Variants in NLRP5 observed in about 807,000 individuals in gnomAD.
NLRP5 encodes NLR family pyrin domain containing 5, also known as NACHT, LRR and PYD domains-containing protein 5.
A neutral mutation model predicts 113.1 loss-of-function variants in NLRP5; 93 were observed. The observed-to-expected ratio is 0.82, with a 90% CI of 0.70 to 0.98. The LOEUF is 0.98. NLRP5 is among the 50% of genes least tolerant of loss of function. NLRP5 has a pLI of 0.00. For synonymous variants in NLRP5, 751 were observed against 600.7 expected (o/e 1.25, Z -3.66); for missense variants, 1,808 against 1,514.3 (o/e 1.19, Z -3.22).
At chr19:56,055,798 G>A (rs1022522140) in intron 13 of NLRP5, among the ~76,000 whole-genome samples, 2 of 151,856 alleles carry the variant, frequency 1.3e-5, no homozygotes, top group African/African-American at 2.4e-5. Context: ...GCCCGCCTTG[G>A]CCTCCCAAAG....
At chr19:56,000,644 G>A (rs1034940913) in intron 1 of NLRP5, among the ~76,000 whole-genome samples, 2 of 151,868 alleles carry the variant, frequency 1.3e-5, no homozygotes, top group African/African-American at 2.4e-5. Flanking sequence ...GATTACAGAC[G>A]TGAGCCACTG....
intron 13 of NLRP5, among the ~76,000 whole-genome samples, chr19:56,057,426 C>T (rs1984197191): frequency 6.6e-6 from 1 of 152,328 alleles, no homozygotes; most frequent in Non-Finnish European, 1.5e-5. Flanking sequence ...TCCGCTCTCA[C>T]CACTGTCTGG....
Position 56,032,726 on chromosome 19 carries a change from A to G in NLRP5, c.2392A>G (p.Met798Val), listed in dbSNP as rs772739724. 6.2e-6 allele frequency: 10 copies of G among 1,613,182 alleles called. No individual in the cohort carries two copies. In the South Asian group the frequency reaches 1.1e-4, roughly 18 times the overall value. Reference sequence around the variant, plus strand: ...CAGCAGCATCCTGACAGAGCGGGCCATGAAGACCCTGTGTGCCAAGCTGAG... The same window carrying G: ...CAGCAGCATCCTGACAGAGCGGGCCGTGAAGACCCTGTGTGCCAAGCTGAG... The change falls in exon 8 of 15, where the codon ATG becomes GTG. Residue 798 changes from methionine (M) to valine (V), a missense_variant. Met to Val is a conservative substitution (Grantham distance 21, BLOSUM62 1). Transcript: ENST00000390649.
chr19:56,061,416 C>T lies in NLRP5; in HGVS notation c.3491C>T (p.Pro1164Leu), dbSNP rs1984347847. 4 of 1,613,904 alleles carry T rather than the reference C, an allele frequency of 2.5e-6. No individual in the cohort carries two copies. Among genetic ancestry groups the T allele is most frequent in the African/African-American group, 1.3e-5 (1 of 74,924 alleles). The change falls in exon 15 of 15, where the codon CCT becomes CTT. Residue 1164 changes from proline (P) to leucine (L), a missense_variant. Transcript: ENST00000390649. ...CCCAGGCTGTGGAAATGGCAGTACC[C>T]TGTGCAAATAAGGAAGCTGCTGGAG... is the stretch of plus-strand genomic sequence containing the variant.
chr19:56,006,779 G>T (rs531379454), intron 2 of NLRP5, among the ~76,000 whole-genome samples: 1 of 151,390 alleles, frequency 6.6e-6, no homozygotes, highest in Non-Finnish European at 1.5e-5. Flanking sequence ...TGGCTCTGTC[G>T]CCCAGGCTGG....
At chr19:56,039,218 T>C (rs998026483) in intron 10 of NLRP5, among the ~76,000 whole-genome samples, 8 of 152,210 alleles carry the variant, frequency 5.3e-5, no homozygotes, top group Non-Finnish European at 1.0e-4. Context: ...CAGATGGTGA[T>C]GCCGGGAGTC....
At position 56,008,743 on chromosome 19, in the gene NLRP5, C is replaced by T. The variant is rs1195029173; in HGVS notation, c.443-45C>T. ...TTCTTATCCTTGGCTTGGGTAATTA[C>T]AGTGACTTCATTGAGGCCAGTCTCC... On this transcript the variant is annotated intron_variant, in intron 2 of 14. Coordinates refer to ENST00000390649, the MANE Select transcript of NLRP5 (RefSeq NM_153447.4). 6 of 1,529,882 alleles carry T rather than the reference C, an allele frequency of 3.9e-6. No individual in the cohort carries two copies. The Admixed American group carries it at 1.1e-4, about 29-fold the overall frequency. 94.8% of individuals were successfully genotyped at this position (1,529,882 alleles called of 1,614,324 possible).
intron 3 of NLRP5, among the ~76,000 whole-genome samples, chr19:56,013,596 G>GGTTTTC (rs1555765383): frequency 5.1e-5 from 3 of 59,282 alleles, no homozygotes; most frequent in Non-Finnish European, 8.6e-5. Context: ...GGACATTTGG[G>GGTTTTC]TTTTTTTTTT....
chr19:56,006,696 C>T lies in NLRP5; in HGVS notation c.443-2092C>T, dbSNP rs576698894. Among the ~76,000 whole-genome samples, 48 of 152,002 alleles carry T rather than the reference C, an allele frequency of 3.2e-4. 1 individual carries two copies. The East Asian group carries it at 9.2e-3, about 29-fold the overall frequency. ...GCAGTGAGTCAAGATCGCGCCACTG[C>T]ACTCCAGCCTGGGTGACAGAGCGAG... is the stretch of plus-strand genomic sequence containing the variant. On this transcript the variant is annotated intron_variant, in intron 2 of 14. Coordinates refer to ENST00000390649, the MANE Select transcript of NLRP5 (RefSeq NM_153447.4).
At chr19:56,038,918 C>T (rs1476287312) in intron 10 of NLRP5, among the ~76,000 whole-genome samples, 1 of 152,170 alleles carries the variant, frequency 6.6e-6, no homozygotes, top group Non-Finnish European at 1.5e-5. Context: ...CCAAGTGATC[C>T]TCCCGTCTTG....
At position 56,015,585 on chromosome 19, in the gene NLRP5, C is replaced by T. The variant is rs139535867; in HGVS notation, c.509-157C>T. On this transcript the variant is annotated intron_variant, in intron 3 of 14. Transcript: ENST00000390649. ...TTGAATCTAGTACTTATGTTACTGG[C>T]GCACACTGCCCTGGCGCTGAGCCAG... Among the ~76,000 whole-genome samples the T allele has an allele frequency of 4.3e-3, 661 of 152,306 alleles. 2 individuals are homozygous for T. The highest frequency in any genetic ancestry group is 7.1e-3 in the Non-Finnish European group (486 of 68,030).
At chr19:56,020,527 A>T (rs1220699837) in intron 6 of NLRP5, 96 bp downstream of exon 6, 1 of 1,377,622 alleles carries the variant, frequency 7.3e-7, no homozygotes, top group African/African-American at 1.4e-5. Flanking sequence ...TGTAGTTTAG[A>T]TTGCCTTTCT....
At chr19:56,030,045 A>C (rs1183254654) in intron 7 of NLRP5, among the ~76,000 whole-genome samples, 1 of 142,446 alleles carries the variant, frequency 7.0e-6, no homozygotes, top group Non-Finnish European at 1.6e-5. Context: ...ACAGAGTGAG[A>C]CTCCATCTCA....
At chr19:56,057,231 T>C (rs887483363) in intron 13 of NLRP5, among the ~76,000 whole-genome samples, 3 of 152,210 alleles carry the variant, frequency 2.0e-5, no homozygotes, top group African/African-American at 7.2e-5. Flanking sequence ...AGTATTTTAG[T>C]ATATCTGGTG....
At chr19:56,037,994 T>G in intron 9 of NLRP5, 31 bp from the exon 10 acceptor site, 1 of 1,612,292 alleles carries the variant, frequency 6.2e-7, no homozygotes, top group Non-Finnish European at 8.5e-7. Context: ...GGACAAGAGC[T>G]GGGATTGCTT....
chr19:56,004,121 G>A (rs759298836), intron 2 of NLRP5, 26 bp downstream of exon 2: 1 of 1,567,022 alleles, frequency 6.4e-7, no homozygotes, highest in Admixed American at 1.9e-5. Flanking sequence ...GACAAGTCTA[G>A]GGCAGGGAGG....
At position 56,052,765 on chromosome 19, in the gene NLRP5, A is replaced by C. The variant is rs796227482; in HGVS notation, c.3129-873A>C. ...TCTTCCCCATTTTTCCTAAGAATAGAAGCACAAAACTTCCCCTTTTGGATT... is the reference window on the plus strand; with the variant it reads ...TCTTCCCCATTTTTCCTAAGAATAGCAGCACAAAACTTCCCCTTTTGGATT... On this transcript the variant is annotated intron_variant, in intron 12 of 14. Coordinates refer to ENST00000390649, the MANE Select transcript of NLRP5 (RefSeq NM_153447.4). Among the ~76,000 whole-genome samples, 8 of 152,322 alleles carry C rather than the reference A, an allele frequency of 5.3e-5. 1 individual carries two copies. Among genetic ancestry groups the C allele is most frequent in the African/African-American group, 1.9e-4 (8 of 41,574 alleles).
the NLRP5 span, among the ~76,000 whole-genome samples, chr19:55,987,093 G>A: frequency 6.6e-6 from 1 of 152,230 alleles, no homozygotes; most frequent in Non-Finnish European, 1.5e-5. Context: ...AGAGGGCTGG[G>A]TGCAGTGGCT....
chr19:56,039,534 C>A (rs773455527), intron 10 of NLRP5, among the ~76,000 whole-genome samples: 1 of 152,094 alleles, frequency 6.6e-6, no homozygotes, highest in Non-Finnish European at 1.5e-5. Flanking sequence ...GGGGAAGGGG[C>A]GTTCACTCCA....
Sources: allele counts gnomAD v4.1 joint callset (sites outside exome capture counted in the v4.1 genomes callset), GRCh38; gene constraint gnomAD v4.1.1; transcripts MANE v1.5; gene names NCBI Gene and HGNC (gene_info 2026-07-23, HGNC 2026-07-21).